SLC45A2: variants seen among roughly 807,000 people sequenced by gnomAD.
The protein encoded by SLC45A2 is membrane-associated transporter protein.
Under a neutral mutation model 45.5 loss-of-function variants are expected in SLC45A2, and 36 were observed. That is an observed-to-expected ratio of 0.79 (90% CI 0.61 to 1.04). SLC45A2 has a LOEUF of 1.04. Among genes scored for constraint, SLC45A2 ranks in the 50% least tolerant of loss-of-function variants. The pLI is 0.00. For missense variants in SLC45A2, 719 were observed against 671.0 expected, an observed-to-expected ratio of 1.07 and a Z score of -0.79; for synonymous variants, 306 against 269.3, an observed-to-expected ratio of 1.14 and a Z score of -1.33.
At position 33,982,364 on chromosome 5, in the gene SLC45A2, G is replaced by A; in HGVS notation, c.434C>T (p.Thr145Ile). The A allele has an allele frequency of 6.2e-7, 1 of 1,614,164 alleles. No homozygotes were observed. The highest frequency in any genetic ancestry group is 2.2e-5 in the East Asian group (1 of 44,876). ...RRKLVWAISV[T>I]MIGVVLFDFA... ...ATCAAAGAGAACGACACCTATCATGGTGACACTTATGGCCCAAACCAGCTT... is the reference window on the plus strand; with the variant it reads ...ATCAAAGAGAACGACACCTATCATGATGACACTTATGGCCCAAACCAGCTT... Residue 145 changes from threonine to isoleucine, a missense_variant, in exon 2 of 7, where the codon ACC (threonine) becomes ATC (isoleucine). Thr to Ile is a moderately conservative substitution (Grantham distance 89, BLOSUM62 -1). Coordinates refer to ENST00000296589, the MANE Select transcript of SLC45A2 (RefSeq NM_016180.5).
At chr5:33,969,065 C>CTGTGTGTGTG (rs66961145) in intron 2 of SLC45A2, among the ~76,000 whole-genome samples, 21,622 of 102,550 alleles carry the variant, frequency 0.21, 2,887 homozygotes, top group Non-Finnish European at 0.29. Context: ...CTCTCTCTCT[C>CTGTGTGTGTG]TGTGTGTGTG....
chr5:33,983,330 G>A (rs955663141), intron 1 of SLC45A2, among the ~76,000 whole-genome samples: 22 of 151,690 alleles, frequency 1.5e-4, no homozygotes, highest in South Asian at 8.3e-4. Flanking sequence ...TTATATACAC[G>A]TTTTAAAAAT....
intron 4 of SLC45A2, among the ~76,000 whole-genome samples, chr5:33,952,578 T>A (rs1481205198): frequency 1.3e-5 from 2 of 152,022 alleles, no homozygotes; most frequent in African/African-American, 4.8e-5. Flanking sequence ...AATGTGGAAC[T>A]TTACCCCCTT....
intron 6 of SLC45A2, 76 bp from the exon 7 acceptor site, chr5:33,944,948 T>C: frequency 7.2e-7 from 1 of 1,389,706 alleles, no homozygotes; most frequent in South Asian, 1.2e-5. Flanking sequence ...AAAATTTTTC[T>C]GTGACCAGCC....
intron 2 of SLC45A2, among the ~76,000 whole-genome samples, chr5:33,968,919 G>A (rs1752686960): frequency 6.6e-6 from 1 of 152,120 alleles, no homozygotes; most frequent in Non-Finnish European, 1.5e-5. Context: ...TCATGAGAAA[G>A]TCGTTCTGAT....
At chr5:33,973,198 G>A (rs1468092445) in intron 2 of SLC45A2, among the ~76,000 whole-genome samples, 1 of 152,210 alleles carries the variant, frequency 6.6e-6, no homozygotes, top group African/African-American at 2.4e-5. Flanking sequence ...AAGTCCCCCA[G>A]ATTCCCACTT....
intron 2 of SLC45A2, among the ~76,000 whole-genome samples, chr5:33,969,491 C>T (rs892362774): frequency 2.0e-5 from 3 of 152,132 alleles, no homozygotes; most frequent in African/African-American, 7.2e-5. Context: ...GCCCTTCTTT[C>T]ACATTTAAGC....
At chr5:33,983,061 T>C (rs1052013643) in intron 1 of SLC45A2, among the ~76,000 whole-genome samples, 6 of 152,202 alleles carry the variant, frequency 3.9e-5, no homozygotes, top group African/African-American at 9.7e-5. Context: ...TCTGATTCAA[T>C]TGGTGGGCCT....
intron 3 of SLC45A2, among the ~76,000 whole-genome samples, chr5:33,960,816 T>C (rs1028656862): frequency 2.6e-5 from 4 of 152,176 alleles, no homozygotes; most frequent in African/African-American, 9.7e-5. Context: ...TTCAAATAAG[T>C]CTGCTGTTTA....
intron 5 of SLC45A2, 35 bp from the exon 6 acceptor site, chr5:33,947,409 C>T (rs767783035): frequency 1.3e-6 from 2 of 1,556,460 alleles, no homozygotes; most frequent in Non-Finnish European, 1.8e-6. Context: ...TTACAGCTGG[C>T]AGTGCCTCAT....
chr5:33,955,034 A>T (rs1353312470), intron 3 of SLC45A2, among the ~76,000 whole-genome samples: 2 of 152,228 alleles, frequency 1.3e-5, no homozygotes, highest in Non-Finnish European at 2.9e-5. Flanking sequence ...GTTAATTGAA[A>T]GGGAGATTAC....
intron 2 of SLC45A2, among the ~76,000 whole-genome samples, chr5:33,980,805 G>A (rs1161787002): frequency 2.6e-5 from 4 of 152,254 alleles, no homozygotes; most frequent in Non-Finnish European, 5.9e-5. Flanking sequence ...CAATAAGGAT[G>A]AGGAGAAAGA....
chr5:33,961,154 C>A (rs1042900551), intron 3 of SLC45A2, among the ~76,000 whole-genome samples: 4 of 152,292 alleles, frequency 2.6e-5, no homozygotes, highest in Non-Finnish European at 1.5e-5. Flanking sequence ...CACAGTGCAA[C>A]TCATTCCAAG....
intron 3 of SLC45A2, 95 bp downstream of exon 3, chr5:33,963,596 T>C: frequency 7.0e-7 from 1 of 1,423,376 alleles, no homozygotes; most frequent in Admixed American, 1.7e-5. Context: ...GAAACTCTTC[T>C]CGTCAAACAG....
chr5:33,974,435 GAACCACAGCA>G, intron 2 of SLC45A2, among the ~76,000 whole-genome samples: 1 of 149,860 alleles, frequency 6.7e-6, no homozygotes, highest in East Asian at 2.0e-4. Context: ...TGCTGGAACA[GAACCACAGCA>G]GTGAAACAAA....
chr5:33,949,699 T>C (rs1391317341), intron 5 of SLC45A2, among the ~76,000 whole-genome samples: 1 of 152,214 alleles, frequency 6.6e-6, no homozygotes, highest in Non-Finnish European at 1.5e-5. Context: ...TATACATTAA[T>C]AAAACTTTGG....
At chr5:33,969,065 C>CTCTCTGTG in intron 2 of SLC45A2, among the ~76,000 whole-genome samples, 52 of 102,464 alleles carry the variant, frequency 5.1e-4, no homozygotes, top group Admixed American at 1.2e-3. Context: ...CTCTCTCTCT[C>CTCTCTGTG]TGTGTGTGTG....
chr5:33,969,065 C>CTCTCTCTCTCTGTGTGTGTGTGTG, intron 2 of SLC45A2, among the ~76,000 whole-genome samples: 5 of 102,466 alleles, frequency 4.9e-5, no homozygotes, highest in African/African-American at 1.8e-4. Context: ...CTCTCTCTCT[C>CTCTCTCTCTCTGTGTGTGTGTGTG]TGTGTGTGTG....
intron 2 of SLC45A2, among the ~76,000 whole-genome samples, chr5:33,965,890 G>A (rs1278568170): frequency 6.6e-6 from 1 of 152,198 alleles, no homozygotes; most frequent in Non-Finnish European, 1.5e-5. Context: ...AGGTTGAAAA[G>A]TGGCCCCTAG....
Sources: allele counts gnomAD v4.1 joint callset (sites outside exome capture counted in the v4.1 genomes callset), GRCh38; gene constraint gnomAD v4.1.1; transcripts MANE v1.5; gene names NCBI Gene and HGNC (gene_info 2026-07-23, HGNC 2026-07-21).